The following NCOA2 variants were observed in gnomAD, a reference collection of about 807,000 sequenced individuals.
The protein encoded by NCOA2 is nuclear receptor coactivator 2.
NCOA2 carries 21 observed loss-of-function variants against 145.1 expected under a neutral mutation model. The ratio of observed to expected loss-of-function variants is 0.14; its 90% confidence interval spans 0.10 to 0.21. The LOEUF (loss-of-function observed/expected upper bound fraction) is 0.21, where lower values mean the gene tolerates loss of function less well. NCOA2 is among the 10% of genes least tolerant of loss of function. NCOA2 has a pLI of 1.00. For missense variants in NCOA2, 1,472 were observed against 1,837.6 expected (o/e 0.80, Z 3.64); for synonymous variants, 619 against 637.5 (o/e 0.97, Z 0.44).
At chr8:70,247,180 C>T (rs946276501) in intron 2 of NCOA2, among the ~76,000 whole-genome samples, 3 of 152,116 alleles carry the variant, frequency 2.0e-5, no homozygotes, top group Non-Finnish European at 4.4e-5. Flanking sequence ...GAAGACAACA[C>T]TAACAACTAA....
chr8:70,448,159 C>T, the NCOA2 span, among the ~76,000 whole-genome samples: 1 of 151,984 alleles, frequency 6.6e-6, no homozygotes, highest in African/African-American at 2.4e-5. Context: ...GAGGCTAATG[C>T]TAATTTTTTT....
chr8:70,149,184 C>A (rs1411302158), intron 11 of NCOA2, among the ~76,000 whole-genome samples: 2 of 151,850 alleles, frequency 1.3e-5, no homozygotes, highest in African/African-American at 4.8e-5. Context: ...CTGGTTGCCC[C>A]CCAAACATAG....
chr8:70,166,933 G>T lies in NCOA2; in HGVS notation c.542-179C>A, dbSNP rs548259933. On this transcript the variant is annotated intron_variant, in intron 6 of 22. Coordinates refer to ENST00000452400, the MANE Select transcript of NCOA2 (RefSeq NM_006540.4). ...AAAATCTTTACCATTTTTACAACTT[G>T]GGAATATCTTGGGATTTTCTTTTTT... is the stretch of plus-strand genomic sequence containing the variant. Among the ~76,000 whole-genome samples, 3 of 151,964 alleles carry T rather than the reference G, an allele frequency of 2.0e-5. No individual in the cohort carries two copies. In the East Asian group the frequency reaches 5.8e-4, roughly 29 times the overall value.
At chr8:70,401,102 TAC>T (rs146658541) in intron 1 of NCOA2, among the ~76,000 whole-genome samples, 20 of 150,018 alleles carry the variant, frequency 1.3e-4, no homozygotes, top group South Asian at 2.1e-4. Context: ...CACACACACA[TAC>T]ACACACACAC....
At chr8:70,310,451 A>G (rs1024785417) in intron 1 of NCOA2, among the ~76,000 whole-genome samples, 2 of 152,024 alleles carry the variant, frequency 1.3e-5, no homozygotes, top group Middle Eastern at 3.2e-3. Flanking sequence ...AGTTATTTGT[A>G]GTTTGTAGTA....
At chr8:70,126,729 TGTGA>T (rs1808457861) in intron 19 of NCOA2, 80 bp downstream of exon 19, 1 of 1,132,980 alleles carries the variant, frequency 8.8e-7, no homozygotes, top group Non-Finnish European at 1.3e-6. Flanking sequence ...TGCAAAGAGC[TGTGA>T]GAGAGGAGCT....
chr8:70,405,154 C>A (rs548806892), upstream of NCOA2, among the ~76,000 whole-genome samples: 3 of 152,226 alleles, frequency 2.0e-5, no homozygotes, highest in South Asian at 6.2e-4. Flanking sequence ...GGATGTGAGC[C>A]CAGTTCTGGT....
intron 4 of NCOA2, among the ~76,000 whole-genome samples, chr8:70,208,853 G>A (rs1005311465): frequency 3.3e-5 from 5 of 152,214 alleles, no homozygotes; most frequent in Non-Finnish European, 4.4e-5. Context: ...CAAGAGCTGT[G>A]ATGAAGATGT....
At chr8:70,280,112 T>C (rs1253411372) in intron 2 of NCOA2, among the ~76,000 whole-genome samples, 1 of 152,194 alleles carries the variant, frequency 6.6e-6, no homozygotes, top group Admixed American at 6.5e-5. Flanking sequence ...GCATCTGCCA[T>C]TCTGCATCAC....
intron 2 of NCOA2, among the ~76,000 whole-genome samples, chr8:70,239,266 G>T: frequency 6.6e-6 from 1 of 152,034 alleles, no homozygotes; most frequent in African/African-American, 2.4e-5. Context: ...GCCTTGCAAT[G>T]GCAACTGAAT....
At chr8:70,348,631 T>C (rs148324129) in intron 1 of NCOA2, among the ~76,000 whole-genome samples, 9 of 152,264 alleles carry the variant, frequency 5.9e-5, no homozygotes, top group African/African-American at 1.9e-4. Context: ...GTTGTAGCAG[T>C]AGAATGTACA....
the NCOA2 span, among the ~76,000 whole-genome samples, chr8:70,441,816 G>GAAAGAAAGAAAGAA: frequency 1.8e-3 from 211 of 116,800 alleles, 3 homozygotes; most frequent in African/African-American, 6.1e-3. Flanking sequence ...AAGAAAGAAA[G>GAAAGAAAGAAAGAA]AAGAAAGAAG....
chr8:70,430,476 T>A, the NCOA2 span, among the ~76,000 whole-genome samples: 1 of 152,182 alleles, frequency 6.6e-6, no homozygotes, highest in Non-Finnish European at 1.5e-5. Context: ...TATGTATATA[T>A]CCTTGAAACC....
intron 10 of NCOA2, 26 bp from the exon 11 acceptor site, chr8:70,157,266 G>T: frequency 6.7e-7 from 1 of 1,495,972 alleles, no homozygotes; most frequent in Non-Finnish European, 8.9e-7. Flanking sequence ...AGAAAAAAAT[G>T]TAAGATAAAA....
intron 1 of NCOA2, among the ~76,000 whole-genome samples, chr8:70,317,026 A>C (rs1205200579): frequency 6.6e-6 from 1 of 152,066 alleles, no homozygotes; most frequent in Non-Finnish European, 1.5e-5. Context: ...TGGCTTTTGA[A>C]CTCAGGGTTA....
chr8:70,322,842 A>G (rs1806201300), intron 1 of NCOA2, among the ~76,000 whole-genome samples: 1 of 152,180 alleles, frequency 6.6e-6, no homozygotes, highest in Non-Finnish European at 1.5e-5. Context: ...ATTCCTAATA[A>G]TATAGCCAAA....
chr8:70,448,603 G>A, the NCOA2 span, among the ~76,000 whole-genome samples: 4 of 151,846 alleles, frequency 2.6e-5, no homozygotes, highest in African/African-American at 9.7e-5. Flanking sequence ...TTGAAATAAG[G>A]AAAAAAACAA....
intron 2 of NCOA2, among the ~76,000 whole-genome samples, chr8:70,247,707 C>T (rs1404484126): frequency 6.6e-6 from 1 of 152,214 alleles, no homozygotes; most frequent in African/African-American, 2.4e-5. Context: ...CGTGAGGTCA[C>T]AGACACGCTA....
intron 2 of NCOA2, among the ~76,000 whole-genome samples, chr8:70,231,563 A>G (rs761813674): frequency 6.6e-6 from 1 of 152,220 alleles, no homozygotes; most frequent in Admixed American, 6.5e-5. Context: ...ACCCTAGGAG[A>G]TCAGCTGAAA....
Sources: allele counts gnomAD v4.1 joint callset (sites outside exome capture counted in the v4.1 genomes callset), GRCh38; gene constraint gnomAD v4.1.1; transcripts MANE v1.5; gene names NCBI Gene and HGNC (gene_info 2026-07-23, HGNC 2026-07-21).